GDAP1L1: variants seen among roughly 807,000 people sequenced by gnomAD.
GDAP1L1 encodes the protein ganglioside-induced differentiation-associated protein 1-like 1.
Under a neutral mutation model 37.1 loss-of-function variants are expected in GDAP1L1, and 21 were observed. The observed-to-expected ratio is 0.57, with a 90% confidence interval of 0.40 to 0.81. The LOEUF (loss-of-function observed/expected upper bound fraction) is 0.81. GDAP1L1 is among the 40% of genes least tolerant of loss of function. GDAP1L1 has a pLI of 0.00. For missense variants in GDAP1L1, 362 were observed against 491.6 expected (o/e 0.74, Z 2.49); for synonymous variants, 193 against 209.1 (o/e 0.92, Z 0.67).
At chr20:44,258,051 A>G in intron 2 of GDAP1L1, 2 of 663,640 alleles carry the variant, frequency 3.0e-6, no homozygotes, top group Non-Finnish European at 2.8e-6. Flanking sequence ...TCAGACACCC[A>G]CTGGGAGGGC....
intron 5 of GDAP1L1, among the ~76,000 whole-genome samples, chr20:44,278,622 C>T (rs2062609213): frequency 6.6e-6 from 1 of 152,106 alleles, no homozygotes; most frequent in Admixed American, 6.5e-5. Flanking sequence ...CTCAAATGAT[C>T]TGCTCACCTT....
At chr20:44,264,405 G>T in intron 4 of GDAP1L1, 40 bp from the exon 5 acceptor site, 1 of 1,438,880 alleles carries the variant, frequency 6.9e-7, no homozygotes, top group Non-Finnish European at 9.1e-7. Flanking sequence ...TGGCTCTATT[G>T]AGGCCAACTC....
chr20:44,265,347 C>T, intron 5 of GDAP1L1: 1 of 985,378 alleles, frequency 1.0e-6, no homozygotes, highest in Non-Finnish European at 1.2e-6. Flanking sequence ...ACCATCTTTG[C>T]CACAGCCCTT....
intron 5 of GDAP1L1, among the ~76,000 whole-genome samples, chr20:44,273,294 A>G (rs1352690747): frequency 6.6e-6 from 1 of 152,076 alleles, no homozygotes; most frequent in Non-Finnish European, 1.5e-5. Context: ...TTCGCCTCCT[A>G]TCTCTTGGGC....
chr20:44,272,493 C>T (rs2062528849), intron 5 of GDAP1L1, among the ~76,000 whole-genome samples: 1 of 152,072 alleles, frequency 6.6e-6, no homozygotes, highest in South Asian at 2.1e-4. Flanking sequence ...ATAATAGGAC[C>T]CTGGGCAGCA....
At chr20:44,251,782 G>C (rs950684876) in intron 1 of GDAP1L1, among the ~76,000 whole-genome samples, 1 of 152,164 alleles carries the variant, frequency 6.6e-6, no homozygotes, top group African/African-American at 2.4e-5. Context: ...GGAAGCTTAT[G>C]GGCCCTTCTC....
intron 5 of GDAP1L1, among the ~76,000 whole-genome samples, chr20:44,276,951 TCTC>T (rs1357934531): frequency 6.6e-6 from 1 of 152,180 alleles, no homozygotes; most frequent in East Asian, 1.9e-4. Context: ...CATGCCAGCT[TCTC>T]CTGGGCTTCA....
chr20:44,277,119 G>A, intron 5 of GDAP1L1, among the ~76,000 whole-genome samples: 1 of 152,130 alleles, frequency 6.6e-6, no homozygotes, highest in East Asian at 1.9e-4. Flanking sequence ...CCGCCTCCCG[G>A]GTTCAAGCAA....
In GDAP1L1 at chr20:44,257,438, T is replaced by A. The variant is rs544716321; in HGVS notation, c.373+93T>A. ...GACGGGGTCCCAGAACTTTGGGAAG[T>A]CTGGGAAATTCACTGGAGCCATGGG... is the stretch of plus-strand genomic sequence containing the variant. On this transcript the variant is annotated intron_variant, in intron 2 of 5. Transcript: ENST00000342560. 1.6e-5 allele frequency: 20 copies of A among 1,253,636 alleles called. No homozygotes were observed. In the South Asian group the frequency reaches 2.4e-4, roughly 15 times the overall value. The allele number at this position is 1,253,636 out of a possible 1,614,324, so 77.7% of individuals were successfully genotyped here.
chr20:44,272,515 C>T (rs1224564061), intron 5 of GDAP1L1, among the ~76,000 whole-genome samples: 1 of 152,182 alleles, frequency 6.6e-6, no homozygotes, highest in Non-Finnish European at 1.5e-5. Context: ...GGAGTGCCCT[C>T]CTGGGCTTTG....
chr20:44,265,570 A>G (rs1475735116), intron 5 of GDAP1L1: 6 of 797,172 alleles, frequency 7.5e-6, no homozygotes, highest in Non-Finnish European at 9.1e-6. Flanking sequence ...TGCCTCAAAT[A>G]TGTAACCTTG....
At chr20:44,272,746 C>A (rs1023875545) in intron 5 of GDAP1L1, among the ~76,000 whole-genome samples, 2 of 152,188 alleles carry the variant, frequency 1.3e-5, no homozygotes, top group African/African-American at 4.8e-5. Context: ...CAGCATTTGC[C>A]TACAAACATA....
intron 5 of GDAP1L1, among the ~76,000 whole-genome samples, chr20:44,276,355 A>AAAGGG (rs138201613): frequency 1.5e-5 from 2 of 130,240 alleles, no homozygotes; most frequent in African/African-American, 6.1e-5. Context: ...AGAAAGAAGG[A>AAAGGG]AAGGAAGGAA....
At chr20:44,266,074 C>T (rs1200958512) in intron 5 of GDAP1L1, among the ~76,000 whole-genome samples, 5 of 152,070 alleles carry the variant, frequency 3.3e-5, no homozygotes, top group African/African-American at 9.7e-5. Context: ...TTTGGGAGGC[C>T]GAGGCGGGTG....
intron 5 of GDAP1L1, chr20:44,264,878 A>G: frequency 1.8e-6 from 2 of 1,086,114 alleles, no homozygotes; most frequent in African/African-American, 1.7e-5. Context: ...CTTAGCACAC[A>G]GTAGGTGTTT....
intron 2 of GDAP1L1, 99 bp from the exon 3 acceptor site, chr20:44,258,335 T>C: frequency 8.3e-7 from 1 of 1,206,788 alleles, no homozygotes; most frequent in Non-Finnish European, 1.2e-6. Flanking sequence ...GCCCAGGGCC[T>C]CTGGGCAGAG....
At chr20:44,256,194 C>T (rs1261157019) in intron 1 of GDAP1L1, among the ~76,000 whole-genome samples, 1 of 152,124 alleles carries the variant, frequency 6.6e-6, no homozygotes, top group Middle Eastern at 3.2e-3. Context: ...TTAGTTTTCT[C>T]ATCAAGAAAA....
At chr20:44,267,676 G>A (rs978511811) in intron 5 of GDAP1L1, among the ~76,000 whole-genome samples, 4 of 151,906 alleles carry the variant, frequency 2.6e-5, no homozygotes, top group East Asian at 1.9e-4. Flanking sequence ...GGGCTGCTGC[G>A]AGGATCAATG....
chr20:44,276,412 A>AAAAGAAAGAAAGAAAGAAAGAAAGAAAG (rs59432514), intron 5 of GDAP1L1, among the ~76,000 whole-genome samples: 1,309 of 113,348 alleles, frequency 0.012, 23 homozygotes, highest in East Asian at 0.018. Context: ...AGAAAAAAGA[A>AAAAGAAAGAAAGAAAGAAAGAAAGAAAG]AAAGAAAGAA....
Sources: allele counts gnomAD v4.1 joint callset (sites outside exome capture counted in the v4.1 genomes callset), GRCh38; gene constraint gnomAD v4.1.1; transcripts MANE v1.5; gene names NCBI Gene and HGNC (gene_info 2026-07-23, HGNC 2026-07-21).